ANKRD13C: variants seen among roughly 807,000 people sequenced by gnomAD.
The protein encoded by ANKRD13C is ankyrin repeat domain-containing protein 13C.
In ANKRD13C, 16 loss-of-function variants were observed where a neutral mutation model predicts 65.5. The observed-to-expected ratio is 0.24, with a 90% CI of 0.17 to 0.37. The LOEUF is 0.37. ANKRD13C is among the 10% of genes least tolerant of loss of function. The pLI, the probability that ANKRD13C is intolerant of heterozygous loss-of-function variation, is 1.00. For missense variants in ANKRD13C, 503 were observed against 655.9 expected (o/e 0.77, Z 2.55); for synonymous variants, 235 against 238.7 (o/e 0.98, Z 0.14).
intron 1 of ANKRD13C, among the ~76,000 whole-genome samples, chr1:70,351,842 A>T: frequency 6.6e-6 from 1 of 152,170 alleles, no homozygotes; most frequent in Non-Finnish European, 1.5e-5. Flanking sequence ...CTATGAGGCT[A>T]TGGGAGAAAA....
chr1:70,263,129 C>T (rs1174949375), intron 12 of ANKRD13C, among the ~76,000 whole-genome samples: 1 of 152,008 alleles, frequency 6.6e-6, no homozygotes, highest in Non-Finnish European at 1.5e-5. Context: ...CCAGATTCTA[C>T]CAGTCTTTTT....
chr1:70,326,723 G>A (rs142363330), intron 2 of ANKRD13C, among the ~76,000 whole-genome samples: 1,962 of 152,152 alleles, frequency 0.013, 29 homozygotes, highest in Middle Eastern at 0.11. Flanking sequence ...GGCAATAACA[G>A]ACATGTTGCA....
intron 12 of ANKRD13C, among the ~76,000 whole-genome samples, chr1:70,267,358 G>C (rs1379836535): frequency 6.6e-6 from 1 of 152,000 alleles, no homozygotes; most frequent in Admixed American, 6.6e-5. Context: ...ATTGGATCAT[G>C]GTTTTTGTTT....
chr1:70,329,514 C>A (rs563642673), intron 2 of ANKRD13C, among the ~76,000 whole-genome samples: 1 of 150,260 alleles, frequency 6.7e-6, no homozygotes, highest in South Asian at 2.1e-4. Flanking sequence ...AAGTGAGACT[C>A]TGTCTCAAAA....
chr1:70,270,556 G>C (rs944444014), intron 12 of ANKRD13C, among the ~76,000 whole-genome samples: 1 of 152,098 alleles, frequency 6.6e-6, no homozygotes, highest in Non-Finnish European at 1.5e-5. Context: ...TCTCAGATCA[G>C]GCATTAGATT....
intron 5 of ANKRD13C, among the ~76,000 whole-genome samples, chr1:70,312,284 A>C (rs1680880335): frequency 6.6e-6 from 1 of 152,198 alleles, no homozygotes; most frequent in Non-Finnish European, 1.5e-5. Flanking sequence ...AAGGTTAACA[A>C]ATATCAGAAT....
intron 3 of ANKRD13C, among the ~76,000 whole-genome samples, chr1:70,321,531 T>A (rs962685546): frequency 6.6e-6 from 1 of 152,062 alleles, no homozygotes; most frequent in Admixed American, 6.5e-5. Context: ...AAGTATACCA[T>A]GACATAAGTC....
At chr1:70,286,545 T>C (rs1679630298) in intron 9 of ANKRD13C, among the ~76,000 whole-genome samples, 2 of 152,162 alleles carry the variant, frequency 1.3e-5, no homozygotes, top group East Asian at 3.8e-4. Flanking sequence ...ATACCATTTT[T>C]ATTCACTATT....
intron 3 of ANKRD13C, among the ~76,000 whole-genome samples, chr1:70,323,121 T>C (rs540568127): frequency 1.6e-4 from 24 of 152,360 alleles, no homozygotes; most frequent in African/African-American, 5.8e-4. Context: ...GACCAGTTGT[T>C]GCAACTCTTA....
At position 70,353,824 on chromosome 1, in the gene ANKRD13C, C is replaced by T. The variant is rs1037466979; in HGVS notation, c.430+155G>A. 42 of 1,007,338 alleles carry T rather than the reference C, an allele frequency of 4.2e-5. No homozygotes were observed. The African/African-American group carries it at 4.9e-4, about 12-fold the overall frequency. 62.4% of individuals were successfully genotyped at this position (1,007,338 alleles called of 1,614,324 possible). A position where few individuals can be genotyped will look rare whatever the true frequency, so the allele number is the denominator to read the frequency against. ...CAAGAACCAACCCCTTGACCACTGG[C>T]ACGCTATTACTGAGTCGATCATGAT... On this transcript the variant is annotated intron_variant, in intron 1 of 12. Transcript: ENST00000370944.
intron 1 of ANKRD13C, among the ~76,000 whole-genome samples, chr1:70,341,598 G>A (rs1353858281): frequency 6.6e-6 from 1 of 152,032 alleles, no homozygotes; most frequent in Non-Finnish European, 1.5e-5. Flanking sequence ...GACCTCAAGT[G>A]ATCTGCCTGC....
At chr1:70,264,808 CAGTAGA>C (rs1468420436) in intron 12 of ANKRD13C, among the ~76,000 whole-genome samples, 22 of 152,080 alleles carry the variant, frequency 1.4e-4, no homozygotes, top group African/African-American at 5.3e-4. Context: ...TAAAGCATGA[CAGTAGA>C]ATAGGGAGTC....
chr1:70,279,575 G>A (rs888442270), intron 9 of ANKRD13C, among the ~76,000 whole-genome samples: 1 of 142,714 alleles, frequency 7.0e-6, no homozygotes, highest in Non-Finnish European at 1.5e-5. Context: ...GCACAATCTC[G>A]GTTCACTGCA....
chr1:70,302,974 T>A (rs958188870), intron 6 of ANKRD13C, among the ~76,000 whole-genome samples: 8 of 152,084 alleles, frequency 5.3e-5, no homozygotes, highest in Admixed American at 2.0e-4. Flanking sequence ...TGGTAGTGGG[T>A]TGCCAGGAGT....
intron 1 of ANKRD13C, among the ~76,000 whole-genome samples, chr1:70,345,194 A>G (rs1320119570): frequency 6.6e-6 from 1 of 152,022 alleles, no homozygotes; most frequent in Non-Finnish European, 1.5e-5. Flanking sequence ...CTTTGGGAGG[A>G]CGAGGCAAGC....
chr1:70,299,334 G>A lies in ANKRD13C; in HGVS notation c.921+1430C>T, dbSNP rs184436625. Among the ~76,000 whole-genome samples, 101 of 152,298 alleles carry A rather than the reference G, an allele frequency of 6.6e-4. 1 individual carries two copies. The South Asian group carries it at 8.9e-3, about 13-fold the overall frequency. On this transcript the variant is annotated intron_variant, in intron 7 of 12. Coordinates refer to ENST00000370944, the MANE Select transcript of ANKRD13C (RefSeq NM_030816.5). ...CTCAGGTGACAAAAGGAACCATGCC[G>A]TGCTAAGGAGATTAGATTTCACTCT...
chr1:70,350,477 T>A (rs1010644650), intron 1 of ANKRD13C, among the ~76,000 whole-genome samples: 9 of 152,214 alleles, frequency 5.9e-5, no homozygotes, highest in African/African-American at 2.2e-4. Context: ...TCTAAAGGGC[T>A]ATCATGTGGA....
At position 70,284,656 on chromosome 1, in the gene ANKRD13C, T is replaced by C. The variant is rs182155941; in HGVS notation, c.1215+7732A>G. Among the ~76,000 whole-genome samples, 256 of 152,344 alleles carry C rather than the reference T, an allele frequency of 1.7e-3. 1 individual carries two copies. The highest frequency in any genetic ancestry group is 5.5e-3 in the African/African-American group (228 of 41,580). Reference sequence around the variant, plus strand: ...TCCTAACATAAAAGTCCATCTCTGCTTCTCTATCTTCGTAACTCAGACAAA... The same window carrying C: ...TCCTAACATAAAAGTCCATCTCTGCCTCTCTATCTTCGTAACTCAGACAAA... On this transcript the variant is annotated intron_variant, in intron 9 of 12. Coordinates refer to ENST00000370944, the MANE Select transcript of ANKRD13C (RefSeq NM_030816.5).
intron 2 of ANKRD13C, among the ~76,000 whole-genome samples, chr1:70,333,617 T>C (rs1681900210): frequency 6.6e-6 from 1 of 152,184 alleles, no homozygotes. Flanking sequence ...CCAATCAAAC[T>C]TTTTGCTCAG....
Sources: gnomAD v4.1 joint callset for allele counts (sites outside exome capture counted in the v4.1 genomes callset) on GRCh38, gnomAD v4.1.1 for gene constraint, MANE v1.5 for transcripts, NCBI Gene and HGNC (gene_info 2026-07-23, HGNC 2026-07-21) for gene names.